Variants in DRG2 observed in about 807,000 individuals in gnomAD.
The protein encoded by DRG2 is developmentally-regulated GTP-binding protein 2.
DRG2 carries 36 observed loss-of-function variants against 53.4 expected under a neutral mutation model. That is an observed-to-expected ratio of 0.67 (90% confidence interval 0.52 to 0.89). The LOEUF (loss-of-function observed/expected upper bound fraction) is 0.89, where lower values mean the gene tolerates loss of function less well. Ranked by LOEUF, DRG2 falls within the 40% of genes least tolerant of loss-of-function variation. The pLI, the probability that DRG2 is intolerant of heterozygous loss-of-function variation, is 0.00. For missense variants in DRG2, 342 were observed against 481.2 expected (o/e 0.71, Z 2.71); for synonymous variants, 167 against 192.1 (o/e 0.87, Z 1.08).
chr17:18,099,228 C>A lies in DRG2; in HGVS notation c.376+151C>A. On this transcript the variant is annotated intron_variant, in intron 4 of 12. Transcript: ENST00000225729. This position sits in a 1 kb window ranked among gnomAD's most constrained non-coding sequence, Gnocchi z 4.4. ...AGGTTCCAGTTCAAATCCTTGGCACCAAACTAGCCTTGTGATCTTGGGCAA... is the reference window on the plus strand; with the variant it reads ...AGGTTCCAGTTCAAATCCTTGGCACAAAACTAGCCTTGTGATCTTGGGCAA... 1 of 992,668 alleles carries A rather than the reference C, an allele frequency of 1.0e-6. No individual in the cohort carries two copies. The highest frequency in any genetic ancestry group is 1.5e-6 in the Non-Finnish European group (1 of 675,156). 61.5% of individuals were successfully genotyped at this position (992,668 alleles called of 1,614,324 possible).
At chr17:18,104,816 G>T in intron 11 of DRG2, 135 bp downstream of exon 11, 1 of 1,459,090 alleles carries the variant, frequency 6.9e-7, no homozygotes, top group Non-Finnish European at 9.2e-7. Flanking sequence ...AGGCTCTGGA[G>T]TTGGACAGCC....
chr17:18,102,148 C>T, intron 9 of DRG2, 151 bp downstream of exon 9: 1 of 803,210 alleles, frequency 1.2e-6, no homozygotes, highest in South Asian at 1.7e-5. Flanking sequence ...GACTTCCTGC[C>T]CAGGGCAGAG....
In DRG2 at chr17:18,093,982, T is replaced by A. The variant is rs2045383450; in HGVS notation, c.225+9T>A. Reference sequence around the variant, plus strand: ...TTCCCTCTGTGGGTAAGGTCAGTGATGGTCAGTGTGGGCCTCGGGGAGGAA... The same window carrying A: ...TTCCCTCTGTGGGTAAGGTCAGTGAAGGTCAGTGTGGGCCTCGGGGAGGAA... On this transcript the variant is annotated intron_variant, in intron 2 of 12. Coordinates refer to ENST00000225729, the MANE Select transcript of DRG2 (RefSeq NM_001388.5). 6.2e-7 allele frequency: 1 copy of A among 1,611,200 alleles called. No homozygotes were observed. Among genetic ancestry groups the A allele is most frequent in the Non-Finnish European group, 8.5e-7 (1 of 1,178,012 alleles).
intron 1 of DRG2, among the ~76,000 whole-genome samples, chr17:18,092,559 T>A (rs2045351889): frequency 6.6e-6 from 1 of 152,092 alleles, no homozygotes; most frequent in Non-Finnish European, 1.5e-5. Context: ...CGGCCTCCTT[T>A]TAGAGCAAAG....
At chr17:18,089,547 C>G (rs927824174) in intron 1 of DRG2, among the ~76,000 whole-genome samples, 1 of 152,060 alleles carries the variant, frequency 6.6e-6, no homozygotes, top group African/African-American at 2.4e-5. Context: ...GGTCTGAAAA[C>G]TAGAAATCAA....
At chr17:18,106,157 C>G in intron 11 of DRG2, 1 of 499,492 alleles carries the variant, frequency 2.0e-6, no homozygotes, top group Non-Finnish European at 3.7e-6. Flanking sequence ...GCAGCCAGGC[C>G]CCTGACCTTC....
chr17:18,102,960 A>G (rs868809920), intron 9 of DRG2, among the ~76,000 whole-genome samples: 8 of 152,180 alleles, frequency 5.3e-5, no homozygotes, highest in African/African-American at 1.9e-4. Flanking sequence ...TTCACAGTGA[A>G]GCTTGGCCAA....
At chr17:18,102,403 A>G (rs892671228) in intron 9 of DRG2, among the ~76,000 whole-genome samples, 1 of 152,142 alleles carries the variant, frequency 6.6e-6, no homozygotes. Context: ...CGGGTGGATC[A>G]TGAGGTCAGG....
Position 18,103,930 on chromosome 17 carries a change from C to T in DRG2, c.895+41C>T, listed in dbSNP as rs1597729425. 1 of 1,599,398 alleles carries T rather than the reference C, an allele frequency of 6.3e-7. No homozygotes were observed. ...CGTAGCTGAAAAACAGGCTGAGCTTCATCCCTAGAAGGCTGCCAGGCCGGT... is the reference window on the plus strand; with the variant it reads ...CGTAGCTGAAAAACAGGCTGAGCTTTATCCCTAGAAGGCTGCCAGGCCGGT... On this transcript the variant is annotated intron_variant, in intron 10 of 12. Transcript: ENST00000225729. This position sits in a 1 kb window ranked among gnomAD's most constrained non-coding sequence, Gnocchi z 4.4.
Position 18,100,243 on chromosome 17 carries a change from G to A in DRG2, c.468-120G>A. On this transcript the variant is annotated intron_variant, in intron 5 of 12. Transcript: ENST00000225729. The surrounding 1 kb of genome is among the most constrained non-coding windows in gnomAD (Gnocchi z 4.1). Reference sequence around the variant, plus strand: ...GGAAGGAGTGTTCTCTGGGTTGCTGGGGAAGGGGGTGGAGGAGAGAGTCAG... The same window carrying A: ...GGAAGGAGTGTTCTCTGGGTTGCTGAGGAAGGGGGTGGAGGAGAGAGTCAG... 7.9e-6 allele frequency: 8 copies of A among 1,013,304 alleles called. No homozygotes were observed. Among genetic ancestry groups the A allele is most frequent in the Non-Finnish European group, 1.2e-5 (8 of 644,386 alleles). The allele number at this position is 1,013,304 out of a possible 1,614,324, so 62.8% of individuals were successfully genotyped here.
intron 2 of DRG2, chr17:18,097,452 G>A (rs991315533): frequency 6.6e-6 from 1 of 152,264 alleles, no homozygotes; most frequent in East Asian, 1.9e-4. Context: ...TGCTGATTAG[G>A]ATGGGGCAGG....
At chr17:18,101,699 C>G in intron 8 of DRG2, 109 bp downstream of exon 8, 5 of 1,065,526 alleles carry the variant, frequency 4.7e-6, no homozygotes, top group Non-Finnish European at 5.5e-6. Flanking sequence ...GAGGCTCTCC[C>G]CTCACCTCAC....
In DRG2 at chr17:18,099,251, C is replaced by A; in HGVS notation, c.376+174C>A. The A allele has an allele frequency of 2.6e-6, 2 of 783,562 alleles. No homozygotes were observed. The highest frequency in any genetic ancestry group is 1.8e-5 in the South Asian group (1 of 56,090). 48.5% of individuals were successfully genotyped at this position (783,562 alleles called of 1,614,324 possible). The stretch of plus-strand genomic sequence containing the variant: ...ACCAAACTAGCCTTGTGATCTTGGG[C>A]AAGTGATTGGGTATCTCTAAGCCAA... On this transcript the variant is annotated intron_variant, in intron 4 of 12. Coordinates refer to ENST00000225729, the MANE Select transcript of DRG2 (RefSeq NM_001388.5). The surrounding 1 kb of genome is among the most constrained non-coding windows in gnomAD (Gnocchi z 4.4).
In DRG2 at chr17:18,100,794, T is replaced by A; in HGVS notation, c.631+135T>A. On this transcript the variant is annotated intron_variant, in intron 7 of 12. Coordinates refer to ENST00000225729, the MANE Select transcript of DRG2 (RefSeq NM_001388.5). The surrounding 1 kb of genome is among the most constrained non-coding windows in gnomAD (Gnocchi z 4.1). ...CCACTGCCCCTGCTGTCCATTCAAG[T>A]AGCCTCTGGGCAAGCTCCAGACTGC... The A allele has an allele frequency of 1.2e-6, 1 of 851,128 alleles. No individual in the cohort carries two copies. Among genetic ancestry groups the A allele is most frequent in the Non-Finnish European group, 1.9e-6 (1 of 535,062 alleles). The allele number at this position is 851,128 out of a possible 1,614,324, so 52.7% of individuals were successfully genotyped here. A position where few individuals can be genotyped will look rare whatever the true frequency, so the allele number is the denominator to read the frequency against.
Position 18,107,140 on chromosome 17 carries a change from C to A in DRG2, c.1009-14C>A, listed in dbSNP as rs200030455. The A allele has an allele frequency of 3.1e-6, 5 of 1,612,826 alleles. No individual in the cohort carries two copies. In the East Asian group the frequency reaches 1.1e-4, roughly 36 times the overall value. ...CAGGCTGAGGTGACCCCTCTGCCCC[C>A]ATTCCTCACCCAGGGCACCAGCACC... On this transcript the variant is annotated splice_polypyrimidine_tract_variant and intron_variant, in intron 12 of 12. Coordinates refer to ENST00000225729, the MANE Select transcript of DRG2 (RefSeq NM_001388.5).
chr17:18,094,098 C>T, intron 2 of DRG2, 125 bp downstream of exon 2: 1 of 1,315,060 alleles, frequency 7.6e-7, no homozygotes, highest in South Asian at 1.5e-5. Flanking sequence ...CCTGGCCTCC[C>T]CCAGGGTCAG....
At position 18,107,468 on chromosome 17, in the gene DRG2, G is replaced by T. The variant is rs530165338; in HGVS notation, c.*228G>T. The T allele has an allele frequency of 8.9e-5, 51 of 574,650 alleles. No homozygotes were observed. In the East Asian group the frequency reaches 1.5e-3, roughly 17 times the overall value. The allele number at this position is 574,650 out of a possible 1,614,324, so 35.6% of individuals were successfully genotyped here. A position where few individuals can be genotyped will look rare whatever the true frequency, so the allele number is the denominator to read the frequency against. On this transcript the variant is annotated 3_prime_UTR_variant, in exon 13 of 13. Transcript: ENST00000225729. ...CATAAGACTGAGCCCTCTCATGGGG[G>T]TTTTGAGTTTGTAGTGCTGAGCCTG... is the stretch of plus-strand genomic sequence containing the variant.
intron 2 of DRG2, 103 bp downstream of exon 2, chr17:18,094,076 G>T: frequency 6.8e-7 from 1 of 1,460,028 alleles, no homozygotes; most frequent in Non-Finnish European, 9.2e-7. Context: ...TTAGCTCCAG[G>T]GACACAGAAG....
In DRG2 at chr17:18,098,902, C is replaced by G; in HGVS notation, c.316-115C>G. On this transcript the variant is annotated intron_variant, in intron 3 of 12. Coordinates refer to ENST00000225729, the MANE Select transcript of DRG2 (RefSeq NM_001388.5). The surrounding 1 kb of genome is among the most constrained non-coding windows in gnomAD (Gnocchi z 4.1). ...CTCAGACTTGGCCACAGGTTGGCATCTGGGTTTCCCTCAGCCCCTGAGCCC... is the reference window on the plus strand; with the variant it reads ...CTCAGACTTGGCCACAGGTTGGCATGTGGGTTTCCCTCAGCCCCTGAGCCC... 1.6e-6 allele frequency: 2 copies of G among 1,215,060 alleles called. No homozygotes were observed. The highest frequency in any genetic ancestry group is 4.0e-5 in the Admixed American group (2 of 50,206). 75.3% of individuals were successfully genotyped at this position (1,215,060 alleles called of 1,614,324 possible). A position where few individuals can be genotyped will look rare whatever the true frequency, so the allele number is the denominator to read the frequency against.
Sources: gnomAD v4.1 joint callset for allele counts (sites outside exome capture counted in the v4.1 genomes callset) on GRCh38, gnomAD v4.1.1 for gene constraint, Gnocchi (gnomAD v3.1) non-coding constraint, MANE v1.5 for transcripts, NCBI Gene and HGNC (gene_info 2026-07-23, HGNC 2026-07-21) for gene names.